The following STX18 variants were observed in gnomAD, a reference collection of about 807,000 sequenced individuals.
STX18 encodes the protein syntaxin 18.
In STX18, 40 loss-of-function variants were observed where a neutral mutation model predicts 50.1. The observed-to-expected ratio is 0.80, with a 90% CI of 0.62 to 1.04. The LOEUF (loss-of-function observed/expected upper bound fraction) is 1.04, where lower values mean the gene tolerates loss of function less well. Among genes scored for constraint, STX18 ranks in the 50% least tolerant of loss-of-function variants. The probability of loss-of-function intolerance (pLI) is 0.00; values close to 1 mark genes in which losing one functional copy is unlikely to be tolerated. For missense variants in STX18, 410 were observed against 415.8 expected, an observed-to-expected ratio of 0.99 and a Z score of 0.12; for synonymous variants, 158 against 151.8, an observed-to-expected ratio of 1.04 and a Z score of -0.30.
intron 1 of STX18, among the ~76,000 whole-genome samples, chr4:4,494,790 G>A (rs1023667849): frequency 2.0e-5 from 3 of 152,220 alleles, no homozygotes; most frequent in Non-Finnish European, 4.4e-5. Flanking sequence ...CCAAAAAGCT[G>A]TGTGTCCTTA....
At chr4:4,482,475 A>T (rs1407296432) in intron 1 of STX18, among the ~76,000 whole-genome samples, 1 of 152,092 alleles carries the variant, frequency 6.6e-6, no homozygotes, top group East Asian at 1.9e-4. Flanking sequence ...TCTAGATTCC[A>T]AGTTAGAACA....
intron 7 of STX18, among the ~76,000 whole-genome samples, chr4:4,432,052 C>T (rs890714438): frequency 1.4e-4 from 22 of 152,250 alleles, no homozygotes; most frequent in African/African-American, 5.1e-4. Context: ...AAGGACCTTG[C>T]AGGGCACTTT....
At chr4:4,492,819 G>A (rs1202811612) in intron 1 of STX18, among the ~76,000 whole-genome samples, 1 of 152,136 alleles carries the variant, frequency 6.6e-6, no homozygotes, top group Non-Finnish European at 1.5e-5. Flanking sequence ...TGAAAAAAAT[G>A]TGTGCATTTA....
chr4:4,541,869 A>C lies in STX18; in HGVS notation c.96T>G (p.Asp32Glu), dbSNP rs1731617412. The change falls in exon 1 of 11, where the codon GAT becomes GAG. Residue 32 changes from aspartate (D) to glutamate (E), a missense_variant. Coordinates refer to ENST00000306200, the MANE Select transcript of STX18 (RefSeq NM_016930.4). ...ALGVAVGGGVDGSRDELFRRS... is the reference protein window; with the variant it reads ...ALGVAVGGGVEGSRDELFRRS... ...GGCGGAACAGCTCGTCCCGGCTGCC[A>C]TCGACCCCGCCGCCCACCGCCACTC... 1 of 1,608,276 alleles carries C rather than the reference A, an allele frequency of 6.2e-7. No individual in the cohort carries two copies. Among genetic ancestry groups the C allele is most frequent in the Non-Finnish European group, 8.5e-7 (1 of 1,177,518 alleles).
At chr4:4,522,894 A>G (rs2108908583) in intron 1 of STX18, among the ~76,000 whole-genome samples, 1 of 152,376 alleles carries the variant, frequency 6.6e-6, no homozygotes, top group South Asian at 2.1e-4. Context: ...TTTGGATTTC[A>G]GATTAACTGG....
At chr4:4,501,206 T>G (rs1472239660) in intron 1 of STX18, among the ~76,000 whole-genome samples, 1 of 152,210 alleles carries the variant, frequency 6.6e-6, no homozygotes, top group East Asian at 1.9e-4. Context: ...TGTGTCTGAT[T>G]TTGTCATTCC....
At chr4:4,424,327 G>C (rs1033774352) in intron 8 of STX18, among the ~76,000 whole-genome samples, 2 of 152,142 alleles carry the variant, frequency 1.3e-5, no homozygotes, top group Non-Finnish European at 2.9e-5. Flanking sequence ...GGTGGGAGCT[G>C]AGCTCCTGGC....
chr4:4,474,175 G>A (rs887007977), intron 1 of STX18, among the ~76,000 whole-genome samples: 2 of 152,082 alleles, frequency 1.3e-5, no homozygotes, highest in African/African-American at 4.8e-5. Context: ...ACTCCCAGCT[G>A]CAGTCAGATC....
At chr4:4,499,680 C>T in intron 1 of STX18, 1 of 243,118 alleles carries the variant, frequency 4.1e-6, no homozygotes, top group Non-Finnish European at 6.6e-6. Context: ...AAGTTACTTA[C>T]ACAATAGAAC....
intron 6 of STX18, chr4:4,437,606 C>A (rs1177323557): frequency 2.0e-6 from 2 of 985,190 alleles, no homozygotes; most frequent in Non-Finnish European, 2.4e-6. Flanking sequence ...TGTCCAGGAC[C>A]ATGCCTAGCA....
intron 1 of STX18, among the ~76,000 whole-genome samples, chr4:4,499,072 T>C (rs1188976599): frequency 6.6e-6 from 1 of 152,220 alleles, no homozygotes; most frequent in Non-Finnish European, 1.5e-5. Context: ...TTTGAGGCTA[T>C]CATGAATTTA....
intron 1 of STX18, among the ~76,000 whole-genome samples, chr4:4,477,186 T>A (rs1184242753): frequency 6.6e-6 from 1 of 152,196 alleles, no homozygotes. Context: ...GAGGTTGTAG[T>A]GAGCCGAGAT....
intron 9 of STX18, 65 bp from the exon 10 acceptor site, chr4:4,421,009 T>A: frequency 6.7e-7 from 1 of 1,493,602 alleles, no homozygotes; most frequent in South Asian, 1.1e-5. Context: ...CCCAAAATGC[T>A]CCAACGAGCA....
intron 1 of STX18, among the ~76,000 whole-genome samples, chr4:4,532,484 CCTCA>C (rs1226087130): frequency 2.6e-5 from 4 of 151,210 alleles, no homozygotes; most frequent in African/African-American, 4.8e-5. Context: ...AAAAAAAAAA[CCTCA>C]CTCTTTCAGA....
rs139641552 is a variant in STX18 at position 4,525,567 on chromosome 4, T to C, written c.168+16230A>G. ...CAGATGCTCTGCAAGGCACTAGGAA[T>C]ACAAAGACCAAGAAGATATGGTGTC... is the stretch of plus-strand genomic sequence containing the variant. On this transcript the variant is annotated intron_variant, in intron 1 of 10. Transcript: ENST00000306200. Among the ~76,000 whole-genome samples the C allele has an allele frequency of 2.1e-4, 32 of 152,282 alleles. No homozygotes were observed. In the East Asian group the frequency reaches 5.8e-3, roughly 28 times the overall value.
intron 6 of STX18, 30 bp downstream of exon 6, chr4:4,438,364 G>C: frequency 6.6e-7 from 1 of 1,520,070 alleles, no homozygotes; most frequent in Non-Finnish European, 9.1e-7. Context: ...AGGAAGAAAT[G>C]CAAGGTGAGA....
At chr4:4,541,203 A>G (rs551003140) in intron 1 of STX18, among the ~76,000 whole-genome samples, 3 of 152,224 alleles carry the variant, frequency 2.0e-5, no homozygotes, top group Admixed American at 6.5e-5. Flanking sequence ...TCCTGTTCCC[A>G]GGGAGATGAA....
chr4:4,420,163 A>C lies in STX18; in HGVS notation c.913-34T>G. 6.4e-7 allele frequency: 1 copy of C among 1,574,152 alleles called. No homozygotes were observed. Among genetic ancestry groups the C allele is most frequent in the Admixed American group, 1.8e-5 (1 of 54,662 alleles). On this transcript the variant is annotated intron_variant, in intron 10 of 10. Coordinates refer to ENST00000306200, the MANE Select transcript of STX18 (RefSeq NM_016930.4). The surrounding 1 kb of genome is among the most constrained non-coding windows in gnomAD (Gnocchi z 4.3). The stretch of plus-strand genomic sequence containing the variant: ...GGACGGGAGCACAGGTGTTTTTATC[A>C]CACAGGATTTTGGTTTGAGCAGCCC...
Position 4,425,362 on chromosome 4 carries a change from G to A in STX18, c.703-140C>T, listed in dbSNP as rs534028977. 5.9e-5 allele frequency: 43 copies of A among 729,826 alleles called. 1 individual carries two copies. Among genetic ancestry groups the A allele is most frequent in the Middle Eastern group, 4.6e-4 (2 of 4,302 alleles). The allele number at this position is 729,826 out of a possible 1,614,324, so 45.2% of individuals were successfully genotyped here. A position where few individuals can be genotyped will look rare whatever the true frequency, so the allele number is the denominator to read the frequency against. ...GGCAACGTGGCAGCCGGTGCTGGAC[G>A]ACCGTTAGCATTAGTGTGAACAACG... On this transcript the variant is annotated intron_variant, in intron 7 of 10. Coordinates refer to ENST00000306200, the MANE Select transcript of STX18 (RefSeq NM_016930.4).
Sources: allele counts gnomAD v4.1 joint callset (sites outside exome capture counted in the v4.1 genomes callset), GRCh38; gene constraint gnomAD v4.1.1; non-coding constraint Gnocchi (gnomAD v3.1); transcripts MANE v1.5; gene names NCBI Gene and HGNC (gene_info 2026-07-23, HGNC 2026-07-21).